The following ZPBP variants were observed in gnomAD, a reference collection of about 807,000 sequenced individuals.
The protein encoded by ZPBP is zona pellucida binding protein.
A neutral mutation model predicts 44.8 loss-of-function variants in ZPBP; 26 were observed. The ratio of observed to expected loss-of-function variants is 0.58; its 90% CI spans 0.43 to 0.81. The LOEUF (loss-of-function observed/expected upper bound fraction) is 0.81. Among genes scored for constraint, ZPBP ranks in the 30% least tolerant of loss-of-function variants. The probability of loss-of-function intolerance (pLI) is 0.00; values close to 1 mark genes in which losing one functional copy is unlikely to be tolerated. For missense variants in ZPBP, 409 were observed against 434.0 expected, an observed-to-expected ratio of 0.94 and a Z score of 0.51; for synonymous variants, 174 against 153.2, an observed-to-expected ratio of 1.14 and a Z score of -1.00.
chr7:50,013,323 T>C (rs1380535551), intron 6 of ZPBP, among the ~76,000 whole-genome samples: 3 of 151,958 alleles, frequency 2.0e-5, no homozygotes, highest in African/African-American at 7.2e-5. Flanking sequence ...ATCACATTTC[T>C]CTGACTGTAA....
intron 7 of ZPBP, among the ~76,000 whole-genome samples, chr7:49,950,718 G>T (rs1360342146): frequency 6.6e-6 from 1 of 151,594 alleles, no homozygotes; most frequent in Non-Finnish European, 1.5e-5. Flanking sequence ...AAATATTAGA[G>T]ATTTTTTCAT....
At chr7:50,014,465 C>CTT (rs11378550) in intron 6 of ZPBP, among the ~76,000 whole-genome samples, 4,359 of 132,320 alleles carry the variant, frequency 0.033, 121 homozygotes, top group Middle Eastern at 0.055. Flanking sequence ...CTTTCTTTTT[C>CTT]TTTTTTTTTT....
chr7:49,874,494 A>G (rs1036172493), intron 2 of ZPBP, among the ~76,000 whole-genome samples: 4 of 151,978 alleles, frequency 2.6e-5, no homozygotes, highest in Non-Finnish European at 4.4e-5. Context: ...CAAGATCACA[A>G]AACATCACAT....
the ZPBP span, among the ~76,000 whole-genome samples, chr7:49,841,604 T>C: frequency 6.6e-6 from 1 of 152,232 alleles, no homozygotes; most frequent in African/African-American, 2.4e-5. Context: ...CGTGGAGCTT[T>C]TTCCCTCAGA....
At chr7:50,024,250 G>T (rs1243664799) in intron 5 of ZPBP, among the ~76,000 whole-genome samples, 1 of 148,092 alleles carries the variant, frequency 6.8e-6, no homozygotes, top group Non-Finnish European at 1.5e-5. Context: ...CAGTATAGAG[G>T]TTACTAAAGA....
chr7:49,898,324 T>A (rs567068969), intron 2 of ZPBP, among the ~76,000 whole-genome samples: 71 of 151,694 alleles, frequency 4.7e-4, no homozygotes, highest in East Asian at 2.7e-3. Flanking sequence ...TTTTTTTTTT[T>A]AAAAAAACCT....
chr7:49,856,449 T>C (rs1790420394), intron 2 of ZPBP, among the ~76,000 whole-genome samples: 1 of 152,238 alleles, frequency 6.6e-6, no homozygotes, highest in African/African-American at 2.4e-5. Flanking sequence ...CCCATGCTTC[T>C]TGTACAGGCT....
intron 7 of ZPBP, among the ~76,000 whole-genome samples, chr7:49,949,560 T>C (rs1383505822): frequency 6.6e-6 from 1 of 152,052 alleles, no homozygotes; most frequent in African/African-American, 2.4e-5. Context: ...TCCACTTATA[T>C]GAGGTATCTA....
At position 50,092,945 on chromosome 7, in the gene ZPBP, CG is replaced by C; in HGVS notation, c.127+122del. The stretch of plus-strand genomic sequence containing the variant: ...CATAAAAAATAAGCCTTTCTTGTCA[CG>C]TATTAGTGAGCAAGGTGTCTCTATA... On this transcript the variant is annotated intron_variant, in intron 1 of 7. Transcript: ENST00000046087. 3 of 1,369,132 alleles carry C rather than the reference CG, an allele frequency of 2.2e-6. No individual in the cohort carries two copies. The South Asian group carries it at 4.6e-5, about 21-fold the overall frequency. 84.8% of individuals were successfully genotyped at this position (1,369,132 alleles called of 1,614,324 possible).
At chr7:50,073,463 G>A (rs1801943193) in intron 3 of ZPBP, among the ~76,000 whole-genome samples, 1 of 151,984 alleles carries the variant, frequency 6.6e-6, no homozygotes, top group African/African-American at 2.4e-5. Context: ...AGGAGACAGA[G>A]GAAAAGATAA....
intron 2 of ZPBP, among the ~76,000 whole-genome samples, chr7:49,872,778 TG>T (rs1192515243): frequency 6.8e-6 from 1 of 147,496 alleles, no homozygotes; most frequent in Non-Finnish European, 1.5e-5. Context: ...TAGTCCGGTG[TG>T]GTGGCACACA....
rs577902961 is a variant in ZPBP at position 50,083,618 on chromosome 7, C to T, written c.209-1719G>A. Among the ~76,000 whole-genome samples, 4 of 151,726 alleles carry T rather than the reference C, an allele frequency of 2.6e-5. No homozygotes were observed. The East Asian group carries it at 7.7e-4, about 29-fold the overall frequency. ...TTACTGAGATATATTAACATTTACACTAAATAAAAAAAGAGAGGCCTGGTG... is the reference window on the plus strand; with the variant it reads ...TTACTGAGATATATTAACATTTACATTAAATAAAAAAAGAGAGGCCTGGTG... On this transcript the variant is annotated intron_variant, in intron 2 of 7. Transcript: ENST00000046087.
At chr7:50,005,040 A>ATT (rs1383499144) in intron 6 of ZPBP, among the ~76,000 whole-genome samples, 26 of 125,794 alleles carry the variant, frequency 2.1e-4, no homozygotes, top group Admixed American at 4.6e-4. Flanking sequence ...ATCATTTTAA[A>ATT]AAAAAAAAAG....
Position 50,031,307 on chromosome 7 carries a change from T to A in ZPBP, c.491A>T (p.Tyr164Phe). Reference sequence around the variant, plus strand: ...CTGATAATAATAATGAGGCTCACGATAAGCTGTAAAAAATTAACAAGAGAA... The same window carrying A: ...CTGATAATAATAATGAGGCTCACGAAAAGCTGTAAAAAATTAACAAGAGAA... Reference protein sequence around the residue: ...RLQLKYAIYAYREPHYYYQFT... With the variant: ...RLQLKYAIYAFREPHYYYQFT... Residue 164 changes from tyrosine (Y) to phenylalanine (F), a missense_variant, in exon 5 of 8, where the codon TAT (tyrosine) becomes TTT (phenylalanine). Tyr to Phe is a conservative substitution (Grantham distance 22, BLOSUM62 3). Transcript: ENST00000046087. The A allele has an allele frequency of 9.3e-6, 15 of 1,608,366 alleles. No individual in the cohort carries two copies. The highest frequency in any genetic ancestry group is 1.2e-5 in the Non-Finnish European group (14 of 1,178,482).
chr7:49,928,728 C>G (rs879344059), intron 1 of ZPBP, among the ~76,000 whole-genome samples: 1 of 152,156 alleles, frequency 6.6e-6, no homozygotes, highest in Non-Finnish European at 1.5e-5. Flanking sequence ...CACCAGTACA[C>G]CATTCCCAGT....
chr7:50,018,339 A>T, intron 5 of ZPBP, 23 bp from the exon 6 acceptor site: 2 of 1,468,980 alleles, frequency 1.4e-6, no homozygotes, highest in East Asian at 4.6e-5. Context: ...ATTATATTTT[A>T]TCATGGGTAT....
intron 5 of ZPBP, among the ~76,000 whole-genome samples, chr7:50,029,355 C>T (rs913358757): frequency 3.9e-5 from 6 of 152,256 alleles, no homozygotes; most frequent in East Asian, 1.9e-4. Flanking sequence ...GAATCTTAGA[C>T]GTAAGTGTAA....
intron 7 of ZPBP, among the ~76,000 whole-genome samples, chr7:49,942,074 G>A (rs1336465971): frequency 1.3e-5 from 2 of 152,092 alleles, no homozygotes; most frequent in Admixed American, 6.6e-5. Context: ...ACTAAATGAA[G>A]TTGGATTCTT....
chr7:50,043,168 G>A (rs1180734965), intron 4 of ZPBP, among the ~76,000 whole-genome samples: 2 of 152,130 alleles, frequency 1.3e-5, no homozygotes, highest in Admixed American at 6.5e-5. Context: ...CCCTTGTTTC[G>A]TCCCATCCCT....
Sources: gnomAD v4.1 joint callset for allele counts (sites outside exome capture counted in the v4.1 genomes callset) on GRCh38, gnomAD v4.1.1 for gene constraint, MANE v1.5 for transcripts, NCBI Gene and HGNC (gene_info 2026-07-23, HGNC 2026-07-21) for gene names.